Variants in VRK2 observed in about 807,000 individuals in gnomAD.
VRK2 encodes VRK serine/threonine kinase 2.
A neutral mutation model predicts 57.6 loss-of-function variants in VRK2; 60 were observed. The observed-to-expected ratio is 1.04, with a 90% CI of 0.85 to 1.29. VRK2 has a LOEUF of 1.29. Ranked by LOEUF, VRK2 falls within the 50% of genes most tolerant of loss-of-function variation. VRK2 has a pLI of 0.00. For missense variants in VRK2, 705 were observed against 588.1 expected, an observed-to-expected ratio of 1.20 and a Z score of -2.06; for synonymous variants, 231 against 199.2, an observed-to-expected ratio of 1.16 and a Z score of -1.35.
chr2:58,155,378 G>A (rs982128605), intron 12 of VRK2, among the ~76,000 whole-genome samples: 1 of 152,178 alleles, frequency 6.6e-6, no homozygotes, highest in African/African-American at 2.4e-5. Flanking sequence ...AAGGTTGGTA[G>A]CTCTCTACTA....
chr2:57,915,280 A>G (rs1026125878), intron 1 of VRK2, among the ~76,000 whole-genome samples: 1 of 152,156 alleles, frequency 6.6e-6, no homozygotes, highest in Non-Finnish European at 1.5e-5. Flanking sequence ...ATGATTCTAC[A>G]TAAATCTAAA....
At chr2:58,131,959 T>C in intron 9 of VRK2, 31 bp downstream of exon 9, 1 of 1,613,350 alleles carries the variant, frequency 6.2e-7, no homozygotes, top group Non-Finnish European at 8.5e-7. Context: ...CATCATGTAC[T>C]GCACCAGGTC....
chr2:58,103,197 A>C (rs77164752), intron 7 of VRK2, among the ~76,000 whole-genome samples: 1 of 151,650 alleles, frequency 6.6e-6, no homozygotes, highest in Non-Finnish European at 1.5e-5. Flanking sequence ...AACCATACCC[A>C]TAGCTAGCAG....
intron 1 of VRK2, among the ~76,000 whole-genome samples, chr2:57,926,341 T>C (rs777052528): frequency 5.3e-5 from 8 of 151,828 alleles, no homozygotes; most frequent in Non-Finnish European, 8.8e-5. Context: ...CTCCAGCTAC[T>C]ACTGTATTGG....
At chr2:58,149,829 A>G (rs1682718463) in intron 12 of VRK2, among the ~76,000 whole-genome samples, 1 of 151,566 alleles carries the variant, frequency 6.6e-6, no homozygotes, top group East Asian at 1.9e-4. Context: ...TTAAATGTTA[A>G]ATCAACCTTT....
At chr2:57,980,660 G>C (rs907258595) in intron 1 of VRK2, among the ~76,000 whole-genome samples, 15 of 152,088 alleles carry the variant, frequency 9.9e-5, no homozygotes, top group African/African-American at 3.6e-4. Flanking sequence ...TTATTGTGTG[G>C]TTATGTGTCT....
intron 6 of VRK2, 95 bp from the exon 7 acceptor site, chr2:58,089,536 A>T (rs537833855): frequency 3.0e-6 from 2 of 663,142 alleles, no homozygotes; most frequent in Non-Finnish European, 2.4e-6. Context: ...CAATGTTAAT[A>T]TGAAAAAACC....
chr2:58,106,468 T>C (rs1294897004), intron 7 of VRK2, among the ~76,000 whole-genome samples: 1 of 152,196 alleles, frequency 6.6e-6, no homozygotes, highest in East Asian at 1.9e-4. Context: ...AGGTTTTGTT[T>C]TGATACTTTA....
At chr2:57,926,998 T>TTTGTGTGTGTGTGTG (rs1553361860) in intron 1 of VRK2, among the ~76,000 whole-genome samples, 2 of 142,758 alleles carry the variant, frequency 1.4e-5, no homozygotes, top group Non-Finnish European at 3.0e-5. Context: ...TTTTAATTTC[T>TTTGTGTGTGTGTGTG]TGTGTGTGTG....
chr2:58,088,265 C>G (rs1671908415), intron 5 of VRK2, 76 bp from the exon 6 acceptor site: 1 of 1,068,080 alleles, frequency 9.4e-7, no homozygotes, highest in Non-Finnish European at 1.4e-6. Flanking sequence ...CGTAATTTTT[C>G]TTGTTTCAAA....
chr2:58,154,862 ATTTATACATTTCAAT>A, intron 12 of VRK2: 1 of 648,264 alleles, frequency 1.5e-6, no homozygotes. Context: ...TCCTGTAAAT[ATTTATACATTTCAAT>A]TTTGTTCACT....
chr2:58,078,991 A>C lies in VRK2; in HGVS notation c.137-5098A>C, dbSNP rs531434519. On this transcript the variant is annotated intron_variant, in intron 2 of 12. Transcript: ENST00000340157. ...CTGAGCTGATTTTGCCCATTTTTAA[A>C]CTGGACTTTTGTTGATGTTGGGTTA... Among the ~76,000 whole-genome samples the C allele has an allele frequency of 1.2e-3, 176 of 152,166 alleles. 2 individuals are homozygous for C. Among genetic ancestry groups the C allele is most frequent in the African/African-American group, 3.9e-3 (163 of 41,514 alleles).
chr2:58,159,203 A>G (rs1017933839), intron 12 of VRK2, 146 bp from the exon 13 acceptor site: 4 of 584,604 alleles, frequency 6.8e-6, no homozygotes, highest in East Asian at 2.8e-5. Context: ...TAAGATCTTT[A>G]CCTAAAAATT....
At chr2:58,137,218 A>ATATCATATATATGATACATG (rs1680583105) in intron 10 of VRK2, among the ~76,000 whole-genome samples, 2 of 42,812 alleles carry the variant, frequency 4.7e-5, no homozygotes, top group South Asian at 5.9e-4. Context: ...TATGATACAT[A>ATATCATATATATGATACATG]TATATCATAT....
chr2:57,920,431 T>A (rs1670304598), intron 1 of VRK2, among the ~76,000 whole-genome samples: 1 of 152,140 alleles, frequency 6.6e-6, no homozygotes, highest in Non-Finnish European at 1.5e-5. Context: ...CACAGGATAT[T>A]TTACTCAATG....
At chr2:58,119,512 G>A (rs1169820598) in intron 7 of VRK2, among the ~76,000 whole-genome samples, 1 of 146,340 alleles carries the variant, frequency 6.8e-6, no homozygotes, top group East Asian at 2.0e-4. Flanking sequence ...GCATGCCAAA[G>A]TGCTGTAATT....
chr2:57,958,400 T>C (rs943550020), intron 1 of VRK2, among the ~76,000 whole-genome samples: 1 of 151,324 alleles, frequency 6.6e-6, no homozygotes, highest in African/African-American at 2.4e-5. Flanking sequence ...TATATGTATA[T>C]ATGTGTGTAT....
intron 8 of VRK2, among the ~76,000 whole-genome samples, chr2:58,126,627 G>A (rs1186001217): frequency 6.6e-6 from 1 of 151,982 alleles, no homozygotes; most frequent in African/African-American, 2.4e-5. Flanking sequence ...TTTAAAAATT[G>A]TGTTTATTCT....
At chr2:58,068,203 T>C (rs957906898) in intron 2 of VRK2, among the ~76,000 whole-genome samples, 3 of 152,224 alleles carry the variant, frequency 2.0e-5, no homozygotes, top group African/African-American at 4.8e-5. Context: ...GTGCTGGGAT[T>C]ACAGGCTTTT....
Sources: allele counts gnomAD v4.1 joint callset (sites outside exome capture counted in the v4.1 genomes callset), GRCh38; gene constraint gnomAD v4.1.1; transcripts MANE v1.5; gene names NCBI Gene and HGNC (gene_info 2026-07-23, HGNC 2026-07-21).